MAP2K1: variants seen among roughly 807,000 people sequenced by gnomAD.
MAP2K1 encodes mitogen-activated protein kinase kinase 1.
MAP2K1 carries 16 observed loss-of-function variants against 46.3 expected under a neutral mutation model. The observed-to-expected ratio is 0.35, with a 90% CI of 0.23 to 0.52. MAP2K1 has a LOEUF of 0.52. Among genes scored for constraint, MAP2K1 ranks in the 20% least tolerant of loss-of-function variants. The probability of loss-of-function intolerance (pLI) is 0.94; values close to 1 mark genes in which losing one functional copy is unlikely to be tolerated. For synonymous variants in MAP2K1, 183 were observed against 185.6 expected (o/e 0.99, Z 0.11); for missense variants, 263 against 497.1 (o/e 0.53, Z 4.48).
intron 1 of MAP2K1, among the ~76,000 whole-genome samples, chr15:66,412,566 C>T (rs1409231112): frequency 6.6e-6 from 1 of 152,206 alleles, no homozygotes; most frequent in African/African-American, 2.4e-5. Flanking sequence ...ATCTACTCTG[C>T]CTGAGCACAT....
At chr15:66,427,233 T>C (rs902675037) in intron 1 of MAP2K1, among the ~76,000 whole-genome samples, 40 of 152,212 alleles carry the variant, frequency 2.6e-4, no homozygotes, top group African/African-American at 8.0e-4. Context: ...ATATTTAATA[T>C]TGTTTTGCTA....
At chr15:66,409,671 A>G (rs2093406548) in intron 1 of MAP2K1, among the ~76,000 whole-genome samples, 1 of 152,166 alleles carries the variant, frequency 6.6e-6, no homozygotes, top group Non-Finnish European at 1.5e-5. Flanking sequence ...TAAATTCTAT[A>G]ACACTCTCTG....
At position 66,420,259 on chromosome 15, in the gene MAP2K1, A is replaced by T. The variant is rs1027733737; in HGVS notation, c.81-14768A>T. 1.3e-5 allele frequency among the ~76,000 whole-genome samples: 2 copies of T among 150,838 alleles called. 1 individual carries two copies. On this transcript the variant is annotated intron_variant, in intron 1 of 10. Transcript: ENST00000307102. ...ACTCTGTCAAATAAATGAATGAACG[A>T]ATGAATGAATGAATGAATGCCTTTC...
At chr15:66,460,888 T>C (rs1189687087) in intron 5 of MAP2K1, among the ~76,000 whole-genome samples, 2 of 152,088 alleles carry the variant, frequency 1.3e-5, no homozygotes, top group African/African-American at 4.8e-5. Flanking sequence ...GCAGGGAGAC[T>C]TGGCCTTGGC....
At chr15:66,475,084 G>C (rs1892726078) in intron 5 of MAP2K1, among the ~76,000 whole-genome samples, 1 of 152,040 alleles carries the variant, frequency 6.6e-6, no homozygotes, top group Admixed American at 6.6e-5. Flanking sequence ...ATTTGGGTGG[G>C]GGAAAAGAGC....
At chr15:66,445,731 A>G (rs1324733321) in intron 5 of MAP2K1, among the ~76,000 whole-genome samples, 1 of 152,252 alleles carries the variant, frequency 6.6e-6, no homozygotes, top group Non-Finnish European at 1.5e-5. Flanking sequence ...AAACAGCCCA[A>G]GCTGTTTCCA....
At chr15:66,397,330 G>T (rs536031189) in intron 1 of MAP2K1, among the ~76,000 whole-genome samples, 65 of 152,160 alleles carry the variant, frequency 4.3e-4, no homozygotes, top group African/African-American at 1.3e-3. Flanking sequence ...GTGTGACCTC[G>T]GTCATATCAC....
At chr15:66,462,496 C>CAA (rs551065737) in intron 5 of MAP2K1, among the ~76,000 whole-genome samples, 9,746 of 72,610 alleles carry the variant, frequency 0.13, 782 homozygotes, top group African/African-American at 0.19. Flanking sequence ...GACTCTGTCT[C>CAA]AAAAAAAAAA....
intron 3 of MAP2K1, among the ~76,000 whole-genome samples, chr15:66,440,452 A>C (rs1305653504): frequency 6.6e-6 from 1 of 152,212 alleles, no homozygotes. Context: ...TGTCTTCTAA[A>C]GCACTCAGCC....
intron 5 of MAP2K1, among the ~76,000 whole-genome samples, chr15:66,461,517 A>AAATAAATAAAT (rs1226805898): frequency 1.5e-5 from 2 of 136,666 alleles, no homozygotes; most frequent in Admixed American, 7.3e-5. Flanking sequence ...AATAAATAAT[A>AAATAAATAAAT]AAATAATAAT....
chr15:66,406,657 A>C (rs2093397580), intron 1 of MAP2K1, among the ~76,000 whole-genome samples: 1 of 152,142 alleles, frequency 6.6e-6, no homozygotes, highest in African/African-American at 2.4e-5. Flanking sequence ...ATGGAGAGAA[A>C]TTGGAATGGT....
At chr15:66,398,486 A>G (rs77034952) in intron 1 of MAP2K1, among the ~76,000 whole-genome samples, 1 of 151,974 alleles carries the variant, frequency 6.6e-6, no homozygotes, top group African/African-American at 2.4e-5. Context: ...GGAGACATAC[A>G]GATCAAATGT....
intron 1 of MAP2K1, among the ~76,000 whole-genome samples, chr15:66,411,781 T>C (rs563944250): frequency 6.6e-6 from 1 of 152,358 alleles, no homozygotes; most frequent in Non-Finnish European, 1.5e-5. Context: ...TATATGTATA[T>C]TAGAAAAGTG....
intron 1 of MAP2K1, among the ~76,000 whole-genome samples, chr15:66,403,202 G>A (rs531467727): frequency 4.1e-4 from 62 of 152,236 alleles, no homozygotes; most frequent in Admixed American, 1.5e-3. Flanking sequence ...TTTCATTTGG[G>A]AAAGTTACTT....
intron 1 of MAP2K1, among the ~76,000 whole-genome samples, chr15:66,408,350 AAG>A: frequency 6.6e-6 from 1 of 152,296 alleles, no homozygotes; most frequent in Admixed American, 6.5e-5. Context: ...CAGGAAGCAA[AAG>A]AATTATTTTC....
chr15:66,406,868 TAA>T (rs2093398351), intron 1 of MAP2K1, among the ~76,000 whole-genome samples: 2 of 152,192 alleles, frequency 1.3e-5, no homozygotes, highest in Admixed American at 1.3e-4. Context: ...CCATCTCTGC[TAA>T]AAATACAAAA....
chr15:66,484,951 G>A (rs2140673381), intron 6 of MAP2K1, 39 bp from the exon 7 acceptor site: 1 of 1,563,984 alleles, frequency 6.4e-7, no homozygotes, highest in African/African-American at 1.4e-5. Context: ...AGGGGTCCAA[G>A]TTAGGTTAGG....
At chr15:66,469,030 G>T (rs1404032730) in intron 5 of MAP2K1, among the ~76,000 whole-genome samples, 1 of 151,378 alleles carries the variant, frequency 6.6e-6, no homozygotes, top group African/African-American at 2.4e-5. Context: ...GGCCGAGGCG[G>T]GTGGATCATG....
intron 1 of MAP2K1, among the ~76,000 whole-genome samples, chr15:66,398,740 T>G (rs2093374120): frequency 6.6e-6 from 1 of 151,812 alleles, no homozygotes; most frequent in Admixed American, 6.6e-5. Flanking sequence ...GTTGAGACAG[T>G]TGGGGAAATG....
Sources: allele counts gnomAD v4.1 joint callset (sites outside exome capture counted in the v4.1 genomes callset), GRCh38; gene constraint gnomAD v4.1.1; transcripts MANE v1.5; gene names NCBI Gene and HGNC (gene_info 2026-07-23, HGNC 2026-07-21).